The following COL25A1 variants were observed in gnomAD, a reference collection of about 807,000 sequenced individuals.
COL25A1 encodes collagen alpha-1(XXV) chain.
Under a neutral mutation model 128.4 loss-of-function variants are expected in COL25A1, and 103 were observed. That is an observed-to-expected ratio of 0.80 (90% CI 0.68 to 0.94). The LOEUF (loss-of-function observed/expected upper bound fraction) is 0.94. Ranked by LOEUF, COL25A1 falls within the 40% of genes least tolerant of loss-of-function variation. COL25A1 has a pLI of 0.00. For synonymous variants in COL25A1, 279 were observed against 277.2 expected (o/e 1.01, Z -0.06); for missense variants, 745 against 840.0 (o/e 0.89, Z 1.40).
At chr4:108,824,668 C>G (rs1732158836) in intron 34 of COL25A1, among the ~76,000 whole-genome samples, 1 of 152,128 alleles carries the variant, frequency 6.6e-6, no homozygotes, top group African/African-American at 2.4e-5. Context: ...TAAACAGTAA[C>G]TAGTATTACT....
At chr4:109,044,468 AGTTT>A (rs199955771) in intron 5 of COL25A1, among the ~76,000 whole-genome samples, 146 of 152,102 alleles carry the variant, frequency 9.6e-4, no homozygotes, top group Admixed American at 1.2e-3. Context: ...TTTATTAGTT[AGTTT>A]GTTTGTTTTA....
In COL25A1 at chr4:108,846,217, T is replaced by C; in HGVS notation, c.1437A>G (p.Gly479=). ...PGIPGMDGEQ[G]LKGSKGDMGD... Reference sequence around the variant, plus strand: ...CCATGTCTCCCTTTGAGCCTTTGAGTCCCTAAAAATGATAGACAAGGTTGG... The same window carrying C: ...CCATGTCTCCCTTTGAGCCTTTGAGCCCCTAAAAATGATAGACAAGGTTGG... The change falls in exon 28 of 38, where the codon GGA becomes GGG. Residue 479 remains glycine, a splice_region_variant and synonymous_variant. Coordinates refer to ENST00000399132, the MANE Select transcript of COL25A1 (RefSeq NM_198721.4). 6.2e-7 allele frequency: 1 copy of C among 1,606,110 alleles called. No individual in the cohort carries two copies.
chr4:108,896,776 A>C, intron 15 of COL25A1, 65 bp from the exon 16 acceptor site: 1 of 1,412,964 alleles, frequency 7.1e-7, no homozygotes, highest in Non-Finnish European at 1.0e-6. Flanking sequence ...AATATTTTTC[A>C]TTATTTTAAG....
At chr4:108,978,282 G>A (rs560482355) in intron 6 of COL25A1, among the ~76,000 whole-genome samples, 24 of 152,320 alleles carry the variant, frequency 1.6e-4, no homozygotes, top group Admixed American at 1.2e-3. Flanking sequence ...CGGACGCTCC[G>A]GCCCCGACTT....
chr4:109,242,571 G>T (rs142496770), intron 3 of COL25A1, among the ~76,000 whole-genome samples: 1 of 151,972 alleles, frequency 6.6e-6, no homozygotes, highest in Non-Finnish European at 1.5e-5. Flanking sequence ...ATACTATTCC[G>T]GATGATTCTT....
At chr4:109,228,941 T>A (rs1451562016) in intron 3 of COL25A1, among the ~76,000 whole-genome samples, 1 of 152,224 alleles carries the variant, frequency 6.6e-6, no homozygotes, top group Non-Finnish European at 1.5e-5. Context: ...ACAAAATCTA[T>A]TTTTAAACGC....
chr4:109,066,573 A>C (rs113789635), intron 3 of COL25A1, among the ~76,000 whole-genome samples: 4 of 152,314 alleles, frequency 2.6e-5, no homozygotes, highest in African/African-American at 9.6e-5. Flanking sequence ...TTCATCTTTG[A>C]ACTCTAGTGC....
At chr4:108,850,195 C>T (rs183610478) in intron 26 of COL25A1, among the ~76,000 whole-genome samples, 49 of 152,218 alleles carry the variant, frequency 3.2e-4, no homozygotes, top group South Asian at 2.5e-3. Flanking sequence ...TCCTTCACCC[C>T]TCAAATGGGG....
intron 5 of COL25A1, among the ~76,000 whole-genome samples, chr4:109,031,244 T>A (rs948815296): frequency 1.3e-5 from 2 of 152,190 alleles, no homozygotes; most frequent in African/African-American, 4.8e-5. Flanking sequence ...TGTGAGTAGC[T>A]GGGACTACAG....
intron 5 of COL25A1, among the ~76,000 whole-genome samples, chr4:109,024,082 C>T (rs1267510779): frequency 6.6e-6 from 1 of 152,124 alleles, no homozygotes; most frequent in Admixed American, 6.5e-5. Flanking sequence ...CATGAGATAG[C>T]CAATACTTTA....
At chr4:108,976,019 A>C (rs941857702) in intron 6 of COL25A1, among the ~76,000 whole-genome samples, 1 of 152,136 alleles carries the variant, frequency 6.6e-6, no homozygotes, top group Non-Finnish European at 1.5e-5. Context: ...ATTCTCTTAC[A>C]GGTGTTTTTG....
intron 6 of COL25A1, among the ~76,000 whole-genome samples, chr4:109,000,908 T>G (rs10516554): frequency 6.6e-6 from 1 of 151,606 alleles, no homozygotes. Flanking sequence ...GTGTGGAAAC[T>G]GAGTGTGTCT....
At chr4:108,893,336 C>T (rs145697079) in intron 16 of COL25A1, among the ~76,000 whole-genome samples, 73 of 152,296 alleles carry the variant, frequency 4.8e-4, no homozygotes, top group Middle Eastern at 6.8e-3. Flanking sequence ...TACCCCATTT[C>T]GCACAGGGGA....
intron 3 of COL25A1, among the ~76,000 whole-genome samples, chr4:109,172,503 C>G (rs1430074781): frequency 6.6e-6 from 1 of 152,066 alleles, no homozygotes; most frequent in African/African-American, 2.4e-5. Context: ...ATCCTTCTTG[C>G]CTCCTGTGGG....
intron 18 of COL25A1, among the ~76,000 whole-genome samples, chr4:108,886,185 C>G (rs1182932022): frequency 6.6e-6 from 1 of 151,992 alleles, no homozygotes; most frequent in African/African-American, 2.4e-5. Context: ...ATAATTTGAC[C>G]TTTCAAGTTT....
At chr4:109,287,523 T>C (rs149676532) in intron 3 of COL25A1, among the ~76,000 whole-genome samples, 78 of 152,342 alleles carry the variant, frequency 5.1e-4, no homozygotes, top group Admixed American at 2.6e-3. Flanking sequence ...AAATGTTTAA[T>C]ATTTATAATT....
intron 6 of COL25A1, among the ~76,000 whole-genome samples, chr4:108,991,323 C>T (rs1360341198): frequency 1.3e-5 from 2 of 152,134 alleles, no homozygotes; most frequent in Admixed American, 1.3e-4. Context: ...GATGATACTA[C>T]ACCATTTAAA....
intron 4 of COL25A1, among the ~76,000 whole-genome samples, chr4:109,049,514 C>T (rs1760786082): frequency 6.6e-6 from 1 of 152,150 alleles, no homozygotes; most frequent in Non-Finnish European, 1.5e-5. Flanking sequence ...TCAAGTTTTG[C>T]CTTGGCCAAA....
intron 8 of COL25A1, among the ~76,000 whole-genome samples, chr4:108,959,896 T>C (rs908994704): frequency 2.0e-5 from 3 of 152,234 alleles, no homozygotes; most frequent in African/African-American, 7.2e-5. Flanking sequence ...CCAAAAAGTC[T>C]AATAGATCTC....
Sources: gnomAD v4.1 joint callset for allele counts (sites outside exome capture counted in the v4.1 genomes callset) on GRCh38, gnomAD v4.1.1 for gene constraint, MANE v1.5 for transcripts, NCBI Gene and HGNC (gene_info 2026-07-23, HGNC 2026-07-21) for gene names.